Variants in KIF5C observed in about 807,000 individuals in gnomAD.
KIF5C encodes the protein kinesin family member 5C, also known as kinesin heavy chain isoform 5C.
In KIF5C, 18 loss-of-function variants were observed where a neutral mutation model predicts 125.2. That is an observed-to-expected ratio of 0.14 (90% CI 0.10 to 0.21). KIF5C has a LOEUF of 0.21. KIF5C is among the 10% of genes least tolerant of loss of function. KIF5C has a pLI of 1.00. For synonymous variants in KIF5C, 405 were observed against 434.0 expected (o/e 0.93, Z 0.83); for missense variants, 780 against 1,183.8 (o/e 0.66, Z 5.01).
intron 3 of KIF5C, among the ~76,000 whole-genome samples, chr2:148,933,353 G>A (rs1396056144): frequency 2.0e-5 from 3 of 151,916 alleles, no homozygotes; most frequent in African/African-American, 7.3e-5. Context: ...TCTGGGCTGC[G>A]CATCTCATCT....
intron 3 of KIF5C, among the ~76,000 whole-genome samples, chr2:148,932,062 G>A (rs557233319): frequency 1.3e-5 from 2 of 152,236 alleles, no homozygotes; most frequent in African/African-American, 4.8e-5. Flanking sequence ...TATTTTCAGA[G>A]GAAGACAGAG....
chr2:148,980,780 A>G (rs1286877344), intron 13 of KIF5C, among the ~76,000 whole-genome samples: 1 of 151,908 alleles, frequency 6.6e-6, no homozygotes, highest in Non-Finnish European at 1.5e-5. Context: ...ATCTCGGCTC[A>G]CTACAACCTC....
chr2:148,937,167 C>T (rs987045669), intron 3 of KIF5C, 117 bp from the exon 4 acceptor site: 176 of 1,416,748 alleles, frequency 1.2e-4, no homozygotes, highest in Non-Finnish European at 1.5e-4. Context: ...GGCAGGCACA[C>T]GTGGGTGCTT....
intron 15 of KIF5C, among the ~76,000 whole-genome samples, chr2:148,985,127 G>C (rs1412274496): frequency 6.6e-6 from 1 of 152,148 alleles, no homozygotes; most frequent in Non-Finnish European, 1.5e-5. Context: ...CAGCGAGAAA[G>C]TAAGAGATGT....
chr2:148,978,123 T>C (rs1365324515), intron 12 of KIF5C, among the ~76,000 whole-genome samples: 3 of 152,160 alleles, frequency 2.0e-5, no homozygotes, highest in Admixed American at 2.0e-4. Flanking sequence ...GTTTTTTATG[T>C]AGTTAGGCAT....
At chr2:148,938,305 C>T (rs533395270) in intron 4 of KIF5C, among the ~76,000 whole-genome samples, 1 of 152,278 alleles carries the variant, frequency 6.6e-6, no homozygotes, top group South Asian at 2.1e-4. Context: ...TCACATACCG[C>T]AAAATTCATC....
rs551636939 is a variant in KIF5C, at chr2:148,964,386, C to G, written c.1117+2267C>G. ...GGGGAAAATAATGTATGATGATATACTCTGGCACAGAGTAGACCTCCAATA... is the reference window on the plus strand; with the variant it reads ...GGGGAAAATAATGTATGATGATATAGTCTGGCACAGAGTAGACCTCCAATA... On this transcript the variant is annotated intron_variant, in intron 11 of 25. Transcript: ENST00000435030. Among the ~76,000 whole-genome samples, 142 of 152,130 alleles carry G rather than the reference C, an allele frequency of 9.3e-4. 1 individual carries two copies. The highest frequency in any genetic ancestry group is 1.7e-3 in the Non-Finnish European group (119 of 68,016).
intron 1 of KIF5C, among the ~76,000 whole-genome samples, chr2:148,916,208 C>T (rs1335670906): frequency 2.6e-5 from 4 of 152,200 alleles, no homozygotes; most frequent in Non-Finnish European, 1.5e-5. Context: ...TGCAGGTCTG[C>T]CATTTGTATT....
intron 25 of KIF5C, among the ~76,000 whole-genome samples, chr2:149,012,194 G>C (rs1001843965): frequency 3.3e-5 from 5 of 152,144 alleles, no homozygotes; most frequent in African/African-American, 9.7e-5. Flanking sequence ...TTTTCTTTGA[G>C]ATGGTGGTCT....
intron 1 of KIF5C, among the ~76,000 whole-genome samples, chr2:148,880,416 C>T (rs762743813): frequency 6.6e-5 from 10 of 152,208 alleles, no homozygotes; most frequent in Admixed American, 2.0e-4. Flanking sequence ...CCACCATGCT[C>T]GGCTTGTTTC....
chr2:148,934,694 A>G (rs893292880), intron 3 of KIF5C, among the ~76,000 whole-genome samples: 3 of 151,746 alleles, frequency 2.0e-5, no homozygotes, highest in African/African-American at 7.3e-5. Context: ...CACTTCCTAC[A>G]TTCACGCTAT....
intron 10 of KIF5C, among the ~76,000 whole-genome samples, chr2:148,952,054 C>A (rs1682678643): frequency 6.6e-6 from 1 of 152,098 alleles, no homozygotes; most frequent in South Asian, 2.1e-4. Flanking sequence ...TCCCAAATCG[C>A]TTCCTTGATT....
chr2:148,948,487 G>A (rs1421827834), intron 8 of KIF5C, among the ~76,000 whole-genome samples: 2 of 152,166 alleles, frequency 1.3e-5, no homozygotes, highest in Non-Finnish European at 2.9e-5. Context: ...AATACTGACA[G>A]ACTGGAGTGG....
At chr2:148,990,953 T>G in intron 15 of KIF5C, 57 bp from the exon 16 acceptor site, 1 of 1,541,020 alleles carries the variant, frequency 6.5e-7, no homozygotes, top group Non-Finnish European at 8.8e-7. Context: ...TTCCAGGGAG[T>G]CCGTGAACCT....
At chr2:148,875,920 G>T (rs1223124775) in intron 1 of KIF5C, among the ~76,000 whole-genome samples, 177 bp downstream of exon 1, 1 of 151,968 alleles carries the variant, frequency 6.6e-6, no homozygotes, top group Non-Finnish European at 1.5e-5. Context: ...CCTCCCGGGC[G>T]GGTGGAGAGG....
At chr2:148,905,847 G>T (rs1014893949) in intron 1 of KIF5C, among the ~76,000 whole-genome samples, 1 of 152,170 alleles carries the variant, frequency 6.6e-6, no homozygotes, top group African/African-American at 2.4e-5. Flanking sequence ...AATCATGGTG[G>T]AAGGTGAAAG....
chr2:148,991,931 TTCTGGGCTACCACTGATA>T (rs1265473352), intron 16 of KIF5C, among the ~76,000 whole-genome samples: 3 of 152,232 alleles, frequency 2.0e-5, no homozygotes, highest in African/African-American at 7.2e-5. Context: ...GCAACCCAGT[TTCTGGGCTACCACTGATA>T]TCTGAGCTTG....
At chr2:148,976,846 G>A (rs1681092081) in intron 12 of KIF5C, among the ~76,000 whole-genome samples, 1 of 152,134 alleles carries the variant, frequency 6.6e-6, no homozygotes. Context: ...CTCCCAAAGT[G>A]CTGGGATTAT....
intron 11 of KIF5C, among the ~76,000 whole-genome samples, chr2:148,969,422 AGTGTGTGTGT>A (rs151238332): frequency 8.2e-4 from 116 of 141,372 alleles, no homozygotes; most frequent in African/African-American, 2.6e-3. Context: ...GAAGGTTTCC[AGTGTGTGTGT>A]GTGTGTGTGT....
Sources: allele counts gnomAD v4.1 joint callset (sites outside exome capture counted in the v4.1 genomes callset), GRCh38; gene constraint gnomAD v4.1.1; transcripts MANE v1.5; gene names NCBI Gene and HGNC (gene_info 2026-07-23, HGNC 2026-07-21).